FNDC3B: variants seen among roughly 807,000 people sequenced by gnomAD.
FNDC3B encodes the protein fibronectin type III domain containing 3B.
FNDC3B carries 12 observed loss-of-function variants against 151.5 expected under a neutral mutation model. The observed-to-expected ratio is 0.08, with a 90% confidence interval of 0.05 to 0.13. The LOEUF (loss-of-function observed/expected upper bound fraction) is 0.13. FNDC3B is among the 10% of genes least tolerant of loss of function. The pLI, the probability that FNDC3B is intolerant of heterozygous loss-of-function variation, is 1.00. For synonymous variants in FNDC3B, 528 were observed against 549.0 expected (o/e 0.96, Z 0.54); for missense variants, 1,214 against 1,505.3 (o/e 0.81, Z 3.20).
intron 3 of FNDC3B, among the ~76,000 whole-genome samples, chr3:172,224,720 G>GT (rs1560026373): frequency 1.3e-5 from 2 of 148,498 alleles, no homozygotes; most frequent in African/African-American, 5.2e-5. Flanking sequence ...CAAATAAAGT[G>GT]TTGTATTTCT....
At chr3:172,360,091 C>A (rs190548939) in intron 22 of FNDC3B, among the ~76,000 whole-genome samples, 1 of 152,056 alleles carries the variant, frequency 6.6e-6, no homozygotes, top group African/African-American at 2.4e-5. Context: ...TGTGGTGATG[C>A]CAGTTTTCAT....
At chr3:172,268,738 A>G (rs1489586571) in intron 6 of FNDC3B, among the ~76,000 whole-genome samples, 4 of 152,210 alleles carry the variant, frequency 2.6e-5, no homozygotes, top group South Asian at 2.1e-4. Context: ...AGTTTCTCCA[A>G]TCTTTCCATG....
At chr3:172,176,269 A>G (rs1652346274) in intron 3 of FNDC3B, among the ~76,000 whole-genome samples, 1 of 152,220 alleles carries the variant, frequency 6.6e-6, no homozygotes, top group Non-Finnish European at 1.5e-5. Flanking sequence ...TGAGATTACA[A>G]CCAGCAAATT....
chr3:172,273,718 C>T (rs1256376735), intron 6 of FNDC3B, among the ~76,000 whole-genome samples: 1 of 152,164 alleles, frequency 6.6e-6, no homozygotes, highest in African/African-American at 2.4e-5. Flanking sequence ...AATTAGTGTC[C>T]ACTCTACAGT....
intron 9 of FNDC3B, among the ~76,000 whole-genome samples, chr3:172,306,554 A>G (rs944876154): frequency 1.3e-5 from 2 of 152,236 alleles, no homozygotes; most frequent in African/African-American, 4.8e-5. Context: ...TCAATTTTGA[A>G]AAAATAAATT....
At chr3:172,281,976 CTT>C (rs34239193) in intron 6 of FNDC3B, among the ~76,000 whole-genome samples, 14,753 of 152,170 alleles carry the variant, frequency 0.097, 783 homozygotes, top group African/African-American at 0.14. Flanking sequence ...GACATACACT[CTT>C]TGTACAGCTG....
At chr3:172,325,474 T>A (rs1282217453) in intron 11 of FNDC3B, among the ~76,000 whole-genome samples, 3 of 152,238 alleles carry the variant, frequency 2.0e-5, no homozygotes, top group Admixed American at 2.0e-4. Flanking sequence ...TTCGTATGAA[T>A]CTTTCAGTCC....
chr3:172,239,856 C>CTTTTTTTTTTTTTTTTTTT (rs71179981), intron 4 of FNDC3B, among the ~76,000 whole-genome samples: 7 of 49,924 alleles, frequency 1.4e-4, no homozygotes, highest in African/African-American at 4.5e-4. Context: ...CATTTTAGTT[C>CTTTTTTTTTTTTTTTTTTT]TTTTTTTTTT....
At chr3:172,113,471 G>C (rs898367395) in intron 2 of FNDC3B, among the ~76,000 whole-genome samples, 3 of 152,114 alleles carry the variant, frequency 2.0e-5, no homozygotes, top group Non-Finnish European at 4.4e-5. Flanking sequence ...TACTTGGTTG[G>C]AGCTGACCTT....
intron 1 of FNDC3B, among the ~76,000 whole-genome samples, chr3:172,050,700 C>CGT (rs71975191): frequency 0.036 from 5,271 of 144,994 alleles, 109 homozygotes; most frequent in South Asian, 0.057. Flanking sequence ...GGTATATTTT[C>CGT]GTGTGTGTGT....
intron 3 of FNDC3B, among the ~76,000 whole-genome samples, chr3:172,180,517 T>A (rs959834760): frequency 1.3e-5 from 2 of 152,234 alleles, no homozygotes; most frequent in Non-Finnish European, 2.9e-5. Flanking sequence ...TATTCACTCA[T>A]GAAACAAATA....
intron 7 of FNDC3B, among the ~76,000 whole-genome samples, chr3:172,286,377 A>G (rs1730019581): frequency 1.3e-5 from 2 of 152,178 alleles, no homozygotes; most frequent in African/African-American, 4.8e-5. Context: ...CTTCAAAAAG[A>G]TATTTAAATA....
At chr3:172,056,036 C>T (rs1301939014) in intron 1 of FNDC3B, among the ~76,000 whole-genome samples, 1 of 152,134 alleles carries the variant, frequency 6.6e-6, no homozygotes, top group African/African-American at 2.4e-5. Context: ...CCGCCTCGGC[C>T]TCCCAAAGTG....
At chr3:172,097,645 C>T (rs182424222) in intron 1 of FNDC3B, among the ~76,000 whole-genome samples, 2 of 152,246 alleles carry the variant, frequency 1.3e-5, no homozygotes, top group African/African-American at 4.8e-5. Flanking sequence ...TAAGCATTAA[C>T]ATTTTGGTTC....
At chr3:172,088,247 C>T (rs944017176) in intron 1 of FNDC3B, among the ~76,000 whole-genome samples, 11 of 152,226 alleles carry the variant, frequency 7.2e-5, no homozygotes, top group African/African-American at 1.9e-4. Context: ...TTAGCAAAAC[C>T]GCTGTACTGG....
intron 1 of FNDC3B, among the ~76,000 whole-genome samples, chr3:172,097,769 G>A (rs1719164554): frequency 6.6e-6 from 1 of 152,054 alleles, no homozygotes; most frequent in African/African-American, 2.4e-5. Flanking sequence ...CTTTTTCTAT[G>A]TTGTAAAAGC....
At chr3:172,163,450 T>C (rs1722873897) in intron 3 of FNDC3B, among the ~76,000 whole-genome samples, 1 of 152,200 alleles carries the variant, frequency 6.6e-6, no homozygotes, top group South Asian at 2.1e-4. Context: ...ATTTTCCTTT[T>C]CTTTGTATCA....
chr3:172,171,833 A>T (rs1438604957), intron 3 of FNDC3B, among the ~76,000 whole-genome samples: 1 of 151,952 alleles, frequency 6.6e-6, no homozygotes, highest in Non-Finnish European at 1.5e-5. Context: ...CCCTATAAAC[A>T]GCAGATGTGT....
chr3:172,331,020 T>C (rs1326783560), intron 13 of FNDC3B, among the ~76,000 whole-genome samples: 1 of 152,224 alleles, frequency 6.6e-6, no homozygotes, highest in East Asian at 1.9e-4. Flanking sequence ...CCACAGCTAC[T>C]ATCCTTTTAT....
Sources: allele counts gnomAD v4.1 joint callset (sites outside exome capture counted in the v4.1 genomes callset), GRCh38; gene constraint gnomAD v4.1.1; transcripts MANE v1.5; gene names NCBI Gene and HGNC (gene_info 2026-07-23, HGNC 2026-07-21).